NCAM1: variants seen among roughly 807,000 people sequenced by gnomAD.
NCAM1 encodes neural cell adhesion molecule 1.
A neutral mutation model predicts 109.8 loss-of-function variants in NCAM1; 14 were observed. The ratio of observed to expected loss-of-function variants is 0.13; its 90% CI spans 0.08 to 0.20. NCAM1 has a LOEUF of 0.20. Among genes scored for constraint, NCAM1 ranks in the 10% least tolerant of loss-of-function variants. NCAM1 has a pLI of 1.00. For missense variants in NCAM1, 774 were observed against 1,109.9 expected, an observed-to-expected ratio of 0.70 and a Z score of 4.30; for synonymous variants, 418 against 442.9, an observed-to-expected ratio of 0.94 and a Z score of 0.70.
At chr11:113,046,980 A>G (rs1953291542) in intron 1 of NCAM1, among the ~76,000 whole-genome samples, 1 of 152,220 alleles carries the variant, frequency 6.6e-6, no homozygotes, top group African/African-American at 2.4e-5. Flanking sequence ...AGATGTGGAA[A>G]TACACTGGCT....
intron 1 of NCAM1, among the ~76,000 whole-genome samples, chr11:112,994,104 C>A (rs1040729860): frequency 4.6e-5 from 7 of 152,144 alleles, no homozygotes; most frequent in Admixed American, 4.6e-4. Context: ...TAGCTTTGAG[C>A]AAAATTTCAA....
chr11:113,046,165 T>C (rs547933960), intron 1 of NCAM1, among the ~76,000 whole-genome samples: 2 of 152,210 alleles, frequency 1.3e-5, no homozygotes, highest in Non-Finnish European at 2.9e-5. Context: ...GGCAGAGTCA[T>C]AACATTATTG....
At position 113,278,364 on chromosome 11, in the gene NCAM1, TACTA is replaced by T. The variant is rs782151359; in HGVS notation, c.*2981_*2984del. 6.6e-6 allele frequency: 1 copy of T among 152,128 alleles called. No homozygotes were observed. Among genetic ancestry groups the T allele is most frequent in the African/African-American group, 2.4e-5 (1 of 41,402 alleles). The allele number at this position is 152,128 out of a possible 1,614,324, so 9.4% of individuals were successfully genotyped here. A position where few individuals can be genotyped will look rare whatever the true frequency, so the allele number is the denominator to read the frequency against. ...CATTCTCACTGGTGTAAATACTGAG[TACTA>T]ACTGAGAATTTTGACTTTGCATTCT... On this transcript the variant is annotated 3_prime_UTR_variant, in exon 20 of 20. Transcript: ENST00000316851.
intron 17 of NCAM1, 32 bp downstream of exon 17, chr11:113,260,355 G>A (rs564525672): frequency 1.6e-5 from 25 of 1,600,640 alleles, no homozygotes; most frequent in African/African-American, 6.7e-5. Context: ...GTTTGTTTCC[G>A]CTTTGAATTA....
chr11:113,202,561 T>G (rs1344182828), intron 2 of NCAM1, 108 bp downstream of exon 2: 2 of 932,282 alleles, frequency 2.1e-6, no homozygotes, highest in African/African-American at 3.4e-5. Context: ...ACACCTAGAA[T>G]TCTTGGCATT....
At chr11:113,097,822 A>G (rs548142105) in intron 1 of NCAM1, among the ~76,000 whole-genome samples, 150 of 152,274 alleles carry the variant, frequency 9.9e-4, no homozygotes, top group Non-Finnish European at 1.6e-3. Flanking sequence ...AGATGTATTT[A>G]AGTTGAATTT....
chr11:113,070,546 G>T (rs1286851143), intron 1 of NCAM1, among the ~76,000 whole-genome samples: 1 of 152,118 alleles, frequency 6.6e-6, no homozygotes, highest in Non-Finnish European at 1.5e-5. Context: ...AGATAGAGGA[G>T]AGAGAAATGA....
intron 19 of NCAM1, 46 bp from the exon 20 acceptor site, chr11:113,275,221 C>T (rs1555126312): frequency 6.2e-7 from 1 of 1,610,214 alleles, no homozygotes; most frequent in Admixed American, 1.7e-5. Context: ...GGCGAGATGT[C>T]TGCAGACCGT....
At chr11:113,014,061 C>A (rs1334424256) in intron 1 of NCAM1, among the ~76,000 whole-genome samples, 2 of 151,824 alleles carry the variant, frequency 1.3e-5, no homozygotes, top group Admixed American at 1.3e-4. Context: ...GAATATTGGG[C>A]TTTAGTGGGG....
At chr11:113,275,117 G>A in intron 19 of NCAM1, 150 bp from the exon 20 acceptor site, 1 of 1,026,666 alleles carries the variant, frequency 9.7e-7, no homozygotes. Flanking sequence ...GATTTTTAGT[G>A]CTCCCAGGTG....
chr11:113,121,996 C>CG (rs1266671417), intron 1 of NCAM1, among the ~76,000 whole-genome samples: 1 of 152,106 alleles, frequency 6.6e-6, no homozygotes, highest in Non-Finnish European at 1.5e-5. Flanking sequence ...AGATAAGGCT[C>CG]GGTGTGGATG....
At chr11:113,244,654 CGTGTGTGTGT>C (rs55798470) in intron 14 of NCAM1, among the ~76,000 whole-genome samples, 49 of 149,856 alleles carry the variant, frequency 3.3e-4, no homozygotes, top group East Asian at 2.8e-3. Context: ...TGTGTGTGTG[CGTGTGTGTGT>C]GTGTGTGTGT....
intron 1 of NCAM1, among the ~76,000 whole-genome samples, chr11:113,120,455 G>C (rs2136028325): frequency 6.6e-6 from 1 of 152,278 alleles, no homozygotes; most frequent in East Asian, 1.9e-4. Context: ...GCTGTATTCA[G>C]ATATAATCAT....
chr11:113,048,858 T>C (rs1249017854), intron 1 of NCAM1, among the ~76,000 whole-genome samples: 2 of 152,200 alleles, frequency 1.3e-5, no homozygotes, highest in Non-Finnish European at 2.9e-5. Context: ...GTTTACTAGC[T>C]TAGTACCAAC....
At chr11:112,988,561 T>C (rs1359689182) in intron 1 of NCAM1, among the ~76,000 whole-genome samples, 8 of 152,142 alleles carry the variant, frequency 5.3e-5, no homozygotes, top group African/African-American at 1.9e-4. Flanking sequence ...AGGATAGTGT[T>C]CTTGATTGGC....
intron 1 of NCAM1, among the ~76,000 whole-genome samples, chr11:112,969,113 G>T (rs2134511192): frequency 6.6e-6 from 1 of 152,252 alleles, no homozygotes; most frequent in Non-Finnish European, 1.5e-5. Flanking sequence ...CTGGGCTTGG[G>T]GAAGAATTGC....
chr11:113,250,648 A>G (rs1461424319), intron 15 of NCAM1, among the ~76,000 whole-genome samples: 1 of 152,256 alleles, frequency 6.6e-6, no homozygotes, highest in Non-Finnish European at 1.5e-5. Context: ...TTTTAAAACT[A>G]GACAGTCTTA....
intron 15 of NCAM1, among the ~76,000 whole-genome samples, chr11:113,248,688 T>TC (rs1488629350): frequency 2.0e-5 from 3 of 152,112 alleles, no homozygotes; most frequent in Non-Finnish European, 4.4e-5. Context: ...AGCTGGATGC[T>TC]CCATCTACCC....
At chr11:113,019,608 C>T (rs781796270) in intron 1 of NCAM1, among the ~76,000 whole-genome samples, 1 of 152,210 alleles carries the variant, frequency 6.6e-6, no homozygotes, top group African/African-American at 2.4e-5. Context: ...TGGGCCATCT[C>T]TGCCACTTCT....
Sources: gnomAD v4.1 joint callset for allele counts (sites outside exome capture counted in the v4.1 genomes callset) on GRCh38, gnomAD v4.1.1 for gene constraint, MANE v1.5 for transcripts, NCBI Gene and HGNC (gene_info 2026-07-23, HGNC 2026-07-21) for gene names.